The following APBA1 variants were observed in gnomAD, a reference collection of about 807,000 sequenced individuals.
The protein encoded by APBA1 is amyloid beta precursor protein binding family A member 1.
In APBA1, 55 loss-of-function variants were observed where a neutral mutation model predicts 86.6. The ratio of observed to expected loss-of-function variants is 0.64; its 90% CI spans 0.51 to 0.80. The LOEUF is 0.80. Ranked by LOEUF, APBA1 falls within the 30% of genes least tolerant of loss-of-function variation. The pLI is 0.00. For synonymous variants in APBA1, 511 were observed against 493.9 expected, an observed-to-expected ratio of 1.03 and a Z score of -0.46; for missense variants, 1,090 against 1,183.0, an observed-to-expected ratio of 0.92 and a Z score of 1.15.
chr9:69,516,523 C>T lies in APBA1; in HGVS notation c.688G>A (p.Ala230Thr), dbSNP rs1473739039. 1 of 1,595,350 alleles carries T rather than the reference C, an allele frequency of 6.3e-7. No homozygotes were observed. Among genetic ancestry groups the T allele is most frequent in the Non-Finnish European group, 8.5e-7 (1 of 1,176,528 alleles). The change falls in exon 2 of 13, where the codon GCC (alanine) becomes ACC (threonine). Residue 230 changes from alanine (A) to threonine (T), a missense_variant. Physicochemically the swap from Ala to Thr is moderately conservative, Grantham distance 58. Coordinates refer to ENST00000265381, the MANE Select transcript of APBA1 (RefSeq NM_001163.4). The surrounding 1 kb of genome is among the most constrained non-coding windows in gnomAD (Gnocchi z 7.3). ...TAATGGTGCAGCCGCGCGCCCAGGG[C>T]CTCCTGGCGGTACGCGGCCGCCTCG... ...RDEAAAYRQEALGARLHHYDE... is the reference protein window; with the variant it reads ...RDEAAAYRQETLGARLHHYDE...
intron 1 of APBA1, among the ~76,000 whole-genome samples, chr9:69,565,729 G>T (rs1281841014): frequency 6.6e-6 from 1 of 152,126 alleles, no homozygotes; most frequent in African/African-American, 2.4e-5. Flanking sequence ...TCCATGTCAT[G>T]CAATCCACCA....
rs916104917 is a variant in APBA1 at position 69,429,640 on chromosome 9, C to G, written c.*1687G>C. ...TGCAGAGATCTCGGGGAATTGATCA[C>G]AGAACTCTCTGGTTGAAGTCTCTTG... On this transcript the variant is annotated 3_prime_UTR_variant, in exon 13 of 13. Coordinates refer to ENST00000265381, the MANE Select transcript of APBA1 (RefSeq NM_001163.4). The G allele has an allele frequency of 6.6e-6, 1 of 152,138 alleles. No individual in the cohort carries two copies. Among genetic ancestry groups the G allele is most frequent in the Non-Finnish European group, 1.5e-5 (1 of 68,016 alleles). The allele number at this position is 152,138 out of a possible 1,614,324, so 9.4% of individuals were successfully genotyped here.
At chr9:69,462,726 A>G (rs2777861) in intron 5 of APBA1, 81,367 of 152,032 alleles carry the variant, frequency 0.54, 23,494 homozygotes, top group African/African-American at 0.76. Flanking sequence ...CTAGAATGCT[A>G]CAGGGCACAG....
chr9:69,444,642 T>C (rs1834878471), intron 10 of APBA1, among the ~76,000 whole-genome samples: 1 of 152,216 alleles, frequency 6.6e-6, no homozygotes, highest in African/African-American at 2.4e-5. Context: ...ATCTCAACCA[T>C]TATGCTTAAA....
At chr9:69,461,895 A>C (rs1037762008) in intron 5 of APBA1, 7 of 152,236 alleles carry the variant, frequency 4.6e-5, no homozygotes, top group Admixed American at 3.3e-4. Flanking sequence ...TGAAGGGCCT[A>C]ATACTTTACT....
intron 1 of APBA1, among the ~76,000 whole-genome samples, chr9:69,528,089 T>C (rs1836370599): frequency 6.6e-6 from 1 of 152,168 alleles, no homozygotes; most frequent in Admixed American, 6.5e-5. Context: ...CTTTGGCTAG[T>C]GGCCACATCT....
chr9:69,537,619 AAT>A (rs1564070498), intron 1 of APBA1, among the ~76,000 whole-genome samples: 1 of 152,090 alleles, frequency 6.6e-6, no homozygotes, highest in African/African-American at 2.4e-5. Flanking sequence ...GAGGCAGGGA[AAT>A]GGGGCTTCCC....
intron 1 of APBA1, among the ~76,000 whole-genome samples, chr9:69,610,440 C>T (rs1822563859): frequency 6.6e-6 from 1 of 152,124 alleles, no homozygotes; most frequent in African/African-American, 2.4e-5. Flanking sequence ...TTTGAGTATT[C>T]TAGGTTCCAC....
At chr9:69,524,560 T>C (rs1316315714) in intron 1 of APBA1, among the ~76,000 whole-genome samples, 5 of 150,762 alleles carry the variant, frequency 3.3e-5, no homozygotes, top group African/African-American at 9.7e-5. Flanking sequence ...ACAAACCAAG[T>C]TCCAAAACTG....
At chr9:69,586,773 A>G (rs1276874408) in intron 1 of APBA1, among the ~76,000 whole-genome samples, 1 of 152,186 alleles carries the variant, frequency 6.6e-6, no homozygotes, top group Non-Finnish European at 1.5e-5. Flanking sequence ...AGAACTCTGT[A>G]GAGGTGGGAA....
At chr9:69,645,372 G>A (rs1252192571) in intron 1 of APBA1, among the ~76,000 whole-genome samples, 1 of 152,172 alleles carries the variant, frequency 6.6e-6, no homozygotes, top group Non-Finnish European at 1.5e-5. Context: ...CATCAGTTAA[G>A]GCAAGATCTC....
rs1187474423 is a variant in APBA1 at position 69,516,158 on chromosome 9, C to T, written c.1053G>A (p.Lys351=). ...EKRDAISLAI[K]DIKEAIEEVK... is the part of the protein sequence containing the mutation. The stretch of plus-strand genomic sequence containing the variant: ...CCTCCTCGATGGCCTCCTTGATGTC[C>T]TTGATGGCCAGCGAGATGGCATCGC... Residue 351 remains lysine, a synonymous_variant, in exon 2 of 13, where the codon AAG becomes AAA. Transcript: ENST00000265381. This position sits in a 1 kb window ranked among gnomAD's most constrained non-coding sequence, Gnocchi z 7.3. The T allele has an allele frequency of 2.5e-6, 4 of 1,612,298 alleles. No individual in the cohort carries two copies. The highest frequency in any genetic ancestry group is 3.4e-6 in the Non-Finnish European group (4 of 1,179,142).
chr9:69,452,317 G>A lies in APBA1; in HGVS notation c.1789-16C>T, dbSNP rs1258421998. 4 of 1,613,192 alleles carry A rather than the reference G, an allele frequency of 2.5e-6. No homozygotes were observed. The highest frequency in any genetic ancestry group is 1.7e-5 in the Admixed American group (1 of 59,968). On this transcript the variant is annotated splice_polypyrimidine_tract_variant and intron_variant, in intron 8 of 12. Transcript: ENST00000265381. The stretch of plus-strand genomic sequence containing the variant: ...TCAGCTGAGCCTGGAACAGCAGCCA[G>A]AGAGGAAAGATGGTCAGCAGGGCAG...
intron 2 of APBA1, among the ~76,000 whole-genome samples, chr9:69,504,755 C>G (rs1473779305): frequency 2.0e-4 from 30 of 151,994 alleles, no homozygotes; most frequent in Admixed American, 2.0e-3. Flanking sequence ...GTGTGTTCCC[C>G]AGGGCACCTT....
chr9:69,510,365 G>C (rs1228285909), intron 2 of APBA1, among the ~76,000 whole-genome samples: 2 of 149,590 alleles, frequency 1.3e-5, no homozygotes, highest in East Asian at 4.0e-4. Context: ...AACTTACAAG[G>C]GATGTGAAGG....
intron 1 of APBA1, among the ~76,000 whole-genome samples, chr9:69,627,209 C>A (rs1211400304): frequency 6.6e-6 from 1 of 152,098 alleles, no homozygotes; most frequent in African/African-American, 2.4e-5. Flanking sequence ...CAAAAAATTA[C>A]ACTGTTTTTT....
chr9:69,587,971 A>G (rs572388450), intron 1 of APBA1, among the ~76,000 whole-genome samples: 2 of 151,206 alleles, frequency 1.3e-5, no homozygotes, highest in African/African-American at 4.9e-5. Flanking sequence ...GGTTGCAGTG[A>G]ATTGAGATTG....
chr9:69,566,025 C>G (rs1354077360), intron 1 of APBA1, among the ~76,000 whole-genome samples: 1 of 152,236 alleles, frequency 6.6e-6, no homozygotes. Context: ...CACCCCTATT[C>G]CCAGCTTCAG....
At chr9:69,621,490 G>A (rs1016345591) in intron 1 of APBA1, among the ~76,000 whole-genome samples, 1 of 152,136 alleles carries the variant, frequency 6.6e-6, no homozygotes, top group Non-Finnish European at 1.5e-5. Context: ...AAACTGTATG[G>A]TGCAGTGGCT....
Sources: allele counts gnomAD v4.1 joint callset (sites outside exome capture counted in the v4.1 genomes callset), GRCh38; gene constraint gnomAD v4.1.1; non-coding constraint Gnocchi (gnomAD v3.1); transcripts MANE v1.5; gene names NCBI Gene and HGNC (gene_info 2026-07-23, HGNC 2026-07-21).